The following FRK variants were observed in gnomAD, a reference collection of about 807,000 sequenced individuals.
The protein encoded by FRK is fyn related Src family tyrosine kinase.
FRK carries 51 observed loss-of-function variants against 56.4 expected under a neutral mutation model. The ratio of observed to expected loss-of-function variants is 0.90; its 90% confidence interval spans 0.72 to 1.14. The LOEUF is 1.14. FRK is among the 50% of genes most tolerant of loss of function. FRK has a pLI of 0.00. For synonymous variants in FRK, 245 were observed against 217.9 expected (o/e 1.12, Z -1.10); for missense variants, 570 against 601.4 (o/e 0.95, Z 0.55).
Position 116,011,781 on chromosome 6 carries a change from A to T in FRK, c.345-7783T>A, listed in dbSNP as rs1775481057. ...TGAAAGGCTTGATTCATGCCCCTTGAACTATTATGGTTCGGTATGACTCAC... is the reference window on the plus strand; with the variant it reads ...TGAAAGGCTTGATTCATGCCCCTTGTACTATTATGGTTCGGTATGACTCAC... On this transcript the variant is annotated intron_variant, in intron 1 of 7. Transcript: ENST00000606080. 1.3e-5 allele frequency among the ~76,000 whole-genome samples: 2 copies of T among 152,102 alleles called. 1 individual carries two copies. The highest frequency in any genetic ancestry group is 4.1e-4 in the South Asian group (2 of 4,826).
chr6:116,093,391 A>G, the FRK span, among the ~76,000 whole-genome samples: 2 of 152,300 alleles, frequency 1.3e-5, no homozygotes, highest in South Asian at 4.2e-4. Context: ...TTTTCAGATG[A>G]TCCTGATAGG....
In FRK at chr6:116,000,244, TTTTTTTTTTTTTTTTTGA is replaced by T. The variant is rs1341678560; in HGVS notation, c.466+3615_466+3632del. Among the ~76,000 whole-genome samples, 355 of 55,612 alleles carry T rather than the reference TTTTTTTTTTTTTTTTTGA, an allele frequency of 6.4e-3. 16 individuals are homozygous for T. The highest frequency in any genetic ancestry group is 0.015 in the African/African-American group (233 of 15,648). 36.5% of individuals were successfully genotyped at this position (55,612 alleles called of 152,430 possible). Reference sequence around the variant, plus strand: ...CTTTCTTTTTTTTTTTTTTTTTTTTTTTTTTTTTTTTTTTTTGAGACGGAGTCTCGCTCTGTCACCCAG... The same window carrying T: ...CTTTCTTTTTTTTTTTTTTTTTTTTTGACGGAGTCTCGCTCTGTCACCCAG... On this transcript the variant is annotated intron_variant, in intron 2 of 7. Transcript: ENST00000606080.
chr6:116,056,374 C>G (rs1235601693), intron 1 of FRK, among the ~76,000 whole-genome samples: 1 of 151,958 alleles, frequency 6.6e-6, no homozygotes, highest in Non-Finnish European at 1.5e-5. Flanking sequence ...GTTTGTGCCA[C>G]CATGCCTAGC....
chr6:115,980,322 T>TA (rs1182949596), intron 2 of FRK, among the ~76,000 whole-genome samples: 2 of 152,036 alleles, frequency 1.3e-5, no homozygotes, highest in Non-Finnish European at 2.9e-5. Context: ...TATGTAATTG[T>TA]AAAAATTATC....
upstream of FRK, among the ~76,000 whole-genome samples, chr6:116,061,809 A>G (rs373768985): frequency 1.3e-5 from 2 of 152,296 alleles, no homozygotes; most frequent in Admixed American, 6.5e-5. Flanking sequence ...TTTCTTAAAA[A>G]CAATCTTTCT....
intron 1 of FRK, among the ~76,000 whole-genome samples, chr6:116,056,108 C>G (rs974173833): frequency 1.3e-5 from 2 of 152,058 alleles, no homozygotes; most frequent in Admixed American, 6.6e-5. Context: ...TTAAACTGAT[C>G]TCATCTCTGA....
At chr6:116,097,591 C>CCTAAGGTTAAATTTAACA in the FRK span, among the ~76,000 whole-genome samples, 1 of 152,072 alleles carries the variant, frequency 6.6e-6, no homozygotes, top group Non-Finnish European at 1.5e-5. Flanking sequence ...ACAAGTCACA[C>CCTAAGGTTAAATTTAACA]CTAAGGTTAA....
chr6:116,045,639 C>A (rs562474409), intron 1 of FRK, among the ~76,000 whole-genome samples: 160 of 151,954 alleles, frequency 1.1e-3, no homozygotes, highest in African/African-American at 3.6e-3. Flanking sequence ...CCCTAGAAGA[C>A]AACCTACTCA....
At chr6:116,038,857 G>C (rs187511966) in intron 1 of FRK, 2 of 540,682 alleles carry the variant, frequency 3.7e-6, no homozygotes, top group Admixed American at 2.2e-5. Context: ...CCAAGGTGCC[G>C]GCCAACACTG....
intron 1 of FRK, among the ~76,000 whole-genome samples, chr6:116,058,672 A>G (rs1777487883): frequency 6.6e-6 from 1 of 152,190 alleles, no homozygotes; most frequent in South Asian, 2.1e-4. Flanking sequence ...GCACTTTGGG[A>G]GGCCGAGGCG....
the FRK span, among the ~76,000 whole-genome samples, chr6:116,090,689 T>A: frequency 6.6e-6 from 1 of 152,066 alleles, no homozygotes; most frequent in African/African-American, 2.4e-5. Context: ...GGATCAAAAT[T>A]CTCTCCCCAG....
chr6:116,098,240 C>T, the FRK span, among the ~76,000 whole-genome samples: 1 of 150,786 alleles, frequency 6.6e-6, no homozygotes, highest in Non-Finnish European at 1.5e-5. Flanking sequence ...GCCCCTACAA[C>T]AGCTAGGACT....
chr6:115,954,955 T>C (rs1016459192), intron 5 of FRK, among the ~76,000 whole-genome samples: 1 of 151,944 alleles, frequency 6.6e-6, no homozygotes, highest in Non-Finnish European at 1.5e-5. Context: ...CCTCGAGGAT[T>C]TGGAGACTGT....
At position 115,977,824 on chromosome 6, in the gene FRK, G is replaced by A. The variant is rs75473617; in HGVS notation, c.467-9085C>T. Among the ~76,000 whole-genome samples the A allele has an allele frequency of 6.1e-3, 935 of 152,182 alleles. 10 individuals carry two copies. Among genetic ancestry groups the A allele is most frequent in the African/African-American group, 0.021 (870 of 41,522 alleles). On this transcript the variant is annotated intron_variant, in intron 2 of 7. Transcript: ENST00000606080. ...ACCCCAATAGTCCAATCCCTTATGG[G>A]AATAAACCAACTCCTTATCAAAACT...
At chr6:115,980,771 T>C (rs759417875) in intron 2 of FRK, among the ~76,000 whole-genome samples, 11 of 152,136 alleles carry the variant, frequency 7.2e-5, no homozygotes, top group Non-Finnish European at 1.5e-4. Flanking sequence ...CATTTCTCTT[T>C]GAACTTAATG....
intron 5 of FRK, among the ~76,000 whole-genome samples, chr6:115,954,528 C>G (rs1772911767): frequency 6.6e-6 from 1 of 152,032 alleles, no homozygotes; most frequent in Non-Finnish European, 1.5e-5. Flanking sequence ...AGAGATGGGA[C>G]ATGAAAAGTA....
In FRK at chr6:116,003,895, CT is replaced by C; in HGVS notation, c.447del (p.Gly150GlufsTer8). On this transcript the variant is annotated frameshift_variant, in exon 2 of 8. Coordinates refer to ENST00000606080, the MANE Select transcript of FRK (RefSeq NM_002031.3). LOFTEE classifies it high-confidence loss of function. ...SFLIRESESQ[K>X]GEFSLSVLDG... is the part of the protein sequence containing the mutation. ...CCCTTACCTGAAAGAGAGAATTCTCCTTTTTGGCTTTCACTTTCTCTGATTA... is the reference window on the plus strand; with the variant it reads ...CCCTTACCTGAAAGAGAGAATTCTCCTTTTGGCTTTCACTTTCTCTGATTA... 6.2e-7 allele frequency: 1 copy of C among 1,613,508 alleles called. No homozygotes were observed. The highest frequency in any genetic ancestry group is 8.5e-7 in the Non-Finnish European group (1 of 1,179,828).
chr6:115,976,571 G>A (rs1773999210), intron 2 of FRK, among the ~76,000 whole-genome samples: 1 of 151,984 alleles, frequency 6.6e-6, no homozygotes, highest in Non-Finnish European at 1.5e-5. Flanking sequence ...GCATCATCTG[G>A]GCATAGCCTT....
chr6:116,015,904 C>T (rs1449696656), intron 1 of FRK, among the ~76,000 whole-genome samples: 1 of 152,060 alleles, frequency 6.6e-6, no homozygotes, highest in Non-Finnish European at 1.5e-5. Context: ...ATGCATTCAC[C>T]AAGAGATTAT....
Sources: allele counts gnomAD v4.1 joint callset (sites outside exome capture counted in the v4.1 genomes callset), GRCh38; gene constraint gnomAD v4.1.1; transcripts MANE v1.5; gene names NCBI Gene and HGNC (gene_info 2026-07-23, HGNC 2026-07-21).